Variants in TRHDE observed in about 807,000 individuals in gnomAD.
TRHDE encodes thyrotropin releasing hormone degrading enzyme.
TRHDE carries 72 observed loss-of-function variants against 125.7 expected under a neutral mutation model. The ratio of observed to expected loss-of-function variants is 0.57; its 90% CI spans 0.47 to 0.70. The LOEUF (loss-of-function observed/expected upper bound fraction) is 0.70. Ranked by LOEUF, TRHDE falls within the 30% of genes least tolerant of loss-of-function variation. The pLI is 0.00. For missense variants in TRHDE, 1,110 were observed against 1,327.1 expected, an observed-to-expected ratio of 0.84 and a Z score of 2.54; for synonymous variants, 509 against 509.1, an observed-to-expected ratio of 1.00 and a Z score of 0.00.
At chr12:72,328,058 G>A (rs3935114) in intron 2 of TRHDE, among the ~76,000 whole-genome samples, 39,420 of 151,816 alleles carry the variant, frequency 0.26, 5,115 homozygotes, top group East Asian at 0.35. Flanking sequence ...AGTATCATCA[G>A]AGGAAGAAAC....
chr12:72,272,392 A>C lies in TRHDE; in HGVS notation c.-252A>C. 1 of 391,998 alleles carries C rather than the reference A, an allele frequency of 2.6e-6. No individual in the cohort carries two copies. The allele number at this position is 391,998 out of a possible 1,614,324, so 24.3% of individuals were successfully genotyped here. A position where few individuals can be genotyped will look rare whatever the true frequency, so the allele number is the denominator to read the frequency against. ...TCCGAGAAGTAGCGCGCGCTGGGCA[A>C]GCAAGACGCTTTCCAAGTTGGGCGC... On this transcript the variant is annotated 5_prime_UTR_variant, in exon 1 of 19. Transcript: ENST00000261180. The surrounding 1 kb of genome is among the most constrained non-coding windows in gnomAD (Gnocchi z 6.7).
At chr12:72,639,274 C>T (rs1024094171) in intron 15 of TRHDE, among the ~76,000 whole-genome samples, 30 of 152,022 alleles carry the variant, frequency 2.0e-4, no homozygotes, top group Admixed American at 2.0e-3. Flanking sequence ...ATCGCTGATA[C>T]CCTTTCTTCC....
intron 3 of TRHDE, among the ~76,000 whole-genome samples, chr12:72,405,029 A>C (rs1873207194): frequency 6.6e-6 from 1 of 152,238 alleles, no homozygotes; most frequent in African/African-American, 2.4e-5. Context: ...GACAGATCTA[A>C]GTAACAAATT....
At chr12:72,246,438 T>A (rs910603676) in intron 2 of TRHDE, among the ~76,000 whole-genome samples, 5 of 152,222 alleles carry the variant, frequency 3.3e-5, no homozygotes, top group Admixed American at 6.5e-5. Context: ...ATTATTTGGA[T>A]ATGATTTTTG....
intron 1 of TRHDE, among the ~76,000 whole-genome samples, chr12:72,093,966 G>A (rs561140271): frequency 2.0e-5 from 3 of 152,282 alleles, no homozygotes; most frequent in Admixed American, 2.0e-4. Flanking sequence ...TTTACAGACT[G>A]TTTTGGCAGG....
At chr12:72,135,768 C>G (rs1376836751) in intron 2 of TRHDE, among the ~76,000 whole-genome samples, 1 of 152,068 alleles carries the variant, frequency 6.6e-6, no homozygotes, top group East Asian at 1.9e-4. Flanking sequence ...ATTTTTCTCC[C>G]TTTAGAAGCA....
intron 6 of TRHDE, among the ~76,000 whole-genome samples, chr12:72,522,597 T>C (rs1458916006): frequency 6.6e-6 from 1 of 152,232 alleles, no homozygotes; most frequent in Non-Finnish European, 1.5e-5. Flanking sequence ...AACATGGCTC[T>C]GTGCTATGAA....
intron 2 of TRHDE, among the ~76,000 whole-genome samples, chr12:72,170,846 G>C (rs1314621096): frequency 6.6e-6 from 1 of 152,006 alleles, no homozygotes; most frequent in East Asian, 1.9e-4. Flanking sequence ...TTCTCTCTCT[G>C]CACAAATAGT....
chr12:72,641,196 A>G (rs1050858897), intron 15 of TRHDE, among the ~76,000 whole-genome samples: 1 of 152,214 alleles, frequency 6.6e-6, no homozygotes, highest in African/African-American at 2.4e-5. Context: ...TGTATTTTAA[A>G]TATTTTTTTC....
intron 9 of TRHDE, among the ~76,000 whole-genome samples, chr12:72,564,293 T>C (rs1241976518): frequency 2.6e-5 from 4 of 152,124 alleles, no homozygotes; most frequent in Admixed American, 1.3e-4. Flanking sequence ...CAAGTGCTGT[T>C]TCTAATCTTC....
intron 3 of TRHDE, among the ~76,000 whole-genome samples, chr12:72,454,777 C>G (rs1255499769): frequency 6.6e-6 from 1 of 152,130 alleles, no homozygotes; most frequent in African/African-American, 2.4e-5. Context: ...TTCTTCAGCT[C>G]TAACAAATCC....
intron 3 of TRHDE, among the ~76,000 whole-genome samples, chr12:72,432,364 A>G (rs1874528444): frequency 6.6e-6 from 1 of 152,120 alleles, no homozygotes; most frequent in Non-Finnish European, 1.5e-5. Flanking sequence ...GCTAATTAAC[A>G]TTTATTGTTC....
chr12:72,407,807 G>T (rs1299933016), intron 3 of TRHDE, among the ~76,000 whole-genome samples: 1 of 152,158 alleles, frequency 6.6e-6, no homozygotes, highest in Non-Finnish European at 1.5e-5. Flanking sequence ...ATTTCTTATA[G>T]ATCTGGGAAC....
At chr12:72,544,362 G>T (rs1204148835) in intron 7 of TRHDE, among the ~76,000 whole-genome samples, 2 of 151,428 alleles carry the variant, frequency 1.3e-5, no homozygotes, top group Non-Finnish European at 3.0e-5. Context: ...GGGAGTCTTG[G>T]TTTACAAGTT....
intron 3 of TRHDE, among the ~76,000 whole-genome samples, chr12:72,397,827 AATTT>A (rs1387130680): frequency 2.8e-4 from 42 of 151,692 alleles, no homozygotes; most frequent in Middle Eastern, 6.8e-3. Context: ...TTAATTAATT[AATTT>A]ATTTATTTAT....
intron 3 of TRHDE, among the ~76,000 whole-genome samples, chr12:72,464,009 T>C (rs1433822999): frequency 6.6e-6 from 1 of 152,148 alleles, no homozygotes; most frequent in Non-Finnish European, 1.5e-5. Context: ...AGGGCTGACT[T>C]TCCCTAGAGG....
At chr12:72,569,374 A>G (rs1274733244) in intron 10 of TRHDE, among the ~76,000 whole-genome samples, 2 of 152,146 alleles carry the variant, frequency 1.3e-5, no homozygotes, top group Non-Finnish European at 2.9e-5. Context: ...TTAGATTTAG[A>G]TAGTCAAGTG....
At chr12:72,380,810 C>G (rs1226838450) in intron 3 of TRHDE, among the ~76,000 whole-genome samples, 2 of 139,070 alleles carry the variant, frequency 1.4e-5, no homozygotes, top group East Asian at 4.3e-4. Context: ...TTCCTTCCTT[C>G]CTTCCTTATT....
At chr12:72,458,542 A>G (rs552758580) in intron 3 of TRHDE, among the ~76,000 whole-genome samples, 11 of 152,054 alleles carry the variant, frequency 7.2e-5, no homozygotes, top group African/African-American at 2.7e-4. Flanking sequence ...CTATGTGTTG[A>G]TGACTTCTTA....
Sources: allele counts gnomAD v4.1 joint callset (sites outside exome capture counted in the v4.1 genomes callset), GRCh38; gene constraint gnomAD v4.1.1; non-coding constraint Gnocchi (gnomAD v3.1); transcripts MANE v1.5; gene names NCBI Gene and HGNC (gene_info 2026-07-23, HGNC 2026-07-21).